ANKAR: variants seen among roughly 807,000 people sequenced by gnomAD.
ANKAR encodes ankyrin and armadillo repeat containing, also known as ankyrin and armadillo repeat-containing protein.
ANKAR carries 136 observed loss-of-function variants against 146.2 expected under a neutral mutation model. The observed-to-expected ratio is 0.93, with a 90% CI of 0.81 to 1.07. The LOEUF (loss-of-function observed/expected upper bound fraction) is 1.07. Among genes scored for constraint, ANKAR ranks in the 50% least tolerant of loss-of-function variants. The probability of loss-of-function intolerance (pLI) is 0.00; values close to 1 mark genes in which losing one functional copy is unlikely to be tolerated. For synonymous variants in ANKAR, 500 were observed against 575.8 expected (o/e 0.87, Z 1.88); for missense variants, 1,567 against 1,679.9 (o/e 0.93, Z 1.18).
rs182166733 is a variant in ANKAR at position 189,677,944 on chromosome 2, G to A, written c.601+853G>A. 9.2e-5 allele frequency among the ~76,000 whole-genome samples: 14 copies of A among 152,242 alleles called. No individual in the cohort carries two copies. In the East Asian group the frequency reaches 2.5e-3, roughly 27 times the overall value. On this transcript the variant is annotated intron_variant, in intron 2 of 22. Transcript: ENST00000684021. ...CATATAGTGACTTCTTTTCCTCTGG[G>A]TAGATACCTGGTAGTGGGATTGCTG...
Position 189,706,043 on chromosome 2 carries a change from G to A in ANKAR, c.1910+819G>A, listed in dbSNP as rs551735263. ...TGCTCTTAACATGTGGAAGCCACCA[G>A]AGGAAGCTGGTGTCCCTCAGATGGC... On this transcript the variant is annotated intron_variant, in intron 8 of 22. Transcript: ENST00000684021. 4.0e-5 allele frequency among the ~76,000 whole-genome samples: 6 copies of A among 151,502 alleles called. 1 individual carries two copies. In the South Asian group the frequency reaches 1.3e-3, roughly 32 times the overall value.
At position 189,728,810 on chromosome 2, in the gene ANKAR, C is replaced by T; in HGVS notation, c.3182C>T (p.Ser1061Phe). 1 of 1,612,858 alleles carries T rather than the reference C, an allele frequency of 6.2e-7. No homozygotes were observed. The highest frequency in any genetic ancestry group is 8.5e-7 in the Non-Finnish European group (1 of 1,179,330). Residue 1061 changes from serine to phenylalanine, a missense_variant, in exon 15 of 23, where the codon TCC becomes TTC. Physicochemically the swap from Ser to Phe is radical, Grantham distance 155 (BLOSUM62 -2). Coordinates refer to ENST00000684021, the MANE Select transcript of ANKAR (RefSeq NM_001378068.1). ...TLLSVIRAVG[S>F]ICIGVAHTSN... The stretch of plus-strand genomic sequence containing the variant: ...CTCAGTGTCATCAGAGCAGTGGGAT[C>T]CATTTGTATTGGTTTGTATACTTAT...
chr2:189,751,056 T>C (rs1020049219), downstream of ANKAR, among the ~76,000 whole-genome samples: 2 of 152,246 alleles, frequency 1.3e-5, no homozygotes, highest in Non-Finnish European at 1.5e-5. Flanking sequence ...TAGGTTTCTA[T>C]AGGTTCTTCT....
Position 189,720,702 on chromosome 2 carries a change from G to C in ANKAR, c.2550G>C (p.Leu850Phe). ...LVNVMNCIRV[L>F]CIGNENNQRA... ...ATGTAATGAACTGTATACGGGTATT[G>C]TGTATAGGAAATGAAAACAATCAAA... The change falls in exon 12 of 23, where the codon TTG (leucine) becomes TTC (phenylalanine). Residue 850 changes from leucine to phenylalanine, a missense_variant. Coordinates refer to ENST00000684021, the MANE Select transcript of ANKAR (RefSeq NM_001378068.1). The C allele has an allele frequency of 2.0e-6, 3 of 1,512,040 alleles. 1 individual carries two copies. Among genetic ancestry groups the C allele is most frequent in the Middle Eastern group, 3.5e-4 (2 of 5,674 alleles). 93.7% of individuals were successfully genotyped at this position (1,512,040 alleles called of 1,614,324 possible). A position where few individuals can be genotyped will look rare whatever the true frequency, so the allele number is the denominator to read the frequency against.
At chr2:189,677,115 A>C (rs1326291354) in intron 2 of ANKAR, 24 bp downstream of exon 2, 3 of 1,420,316 alleles carry the variant, frequency 2.1e-6, no homozygotes, top group East Asian at 5.0e-5. Flanking sequence ...ACACTTCTTA[A>C]ATTTTTTTTT....
At chr2:189,734,754 A>C (rs1226914185) in intron 17 of ANKAR, among the ~76,000 whole-genome samples, 2 of 152,136 alleles carry the variant, frequency 1.3e-5, no homozygotes, top group East Asian at 3.9e-4. Flanking sequence ...GCTTGAGATC[A>C]GGAGTTCGAG....
At position 189,720,776 on chromosome 2, in the gene ANKAR, G is replaced by T; in HGVS notation, c.2624G>T (p.Ser875Ile). The change falls in exon 12 of 23, where the codon AGT (serine) becomes ATT (isoleucine). Residue 875 changes from serine (S) to isoleucine (I), a missense_variant. By Grantham distance (142) the Ser-to-Ile change is moderately radical. Coordinates refer to ENST00000684021, the MANE Select transcript of ANKAR (RefSeq NM_001378068.1). The stretch of plus-strand genomic sequence containing the variant: ...CTCCCATATCTTATCAGATTTCTGA[G>T]TTCTGATTCAGGTGAGCTTCTATCT... The part of the protein sequence containing the change: ...KGLPYLIRFL[S>I]SDSDVLKAVS... The T allele has an allele frequency of 6.7e-7, 1 of 1,486,856 alleles. No homozygotes were observed. 92.1% of individuals were successfully genotyped at this position (1,486,856 alleles called of 1,614,324 possible). A position where few individuals can be genotyped will look rare whatever the true frequency, so the allele number is the denominator to read the frequency against.
chr2:189,691,484 CTGAGA>C (rs1432834134), intron 3 of ANKAR, among the ~76,000 whole-genome samples: 4 of 151,954 alleles, frequency 2.6e-5, no homozygotes, highest in Non-Finnish European at 4.4e-5. Context: ...CCTAAACTAG[CTGAGA>C]TAAGTTTTTG....
chr2:189,719,921 A>G, intron 11 of ANKAR, 108 bp downstream of exon 11: 1 of 1,220,680 alleles, frequency 8.2e-7, no homozygotes, highest in Non-Finnish European at 1.1e-6. Context: ...CTCTCAGGGA[A>G]GAATACAGCA....
chr2:189,762,514 G>T, downstream of ANKAR: 1 of 843,984 alleles, frequency 1.2e-6, no homozygotes, highest in Non-Finnish European at 1.4e-6. Context: ...GGACAAGGAG[G>T]ATTGTACGAA....
At chr2:189,699,455 C>T (rs941788478) in intron 7 of ANKAR, among the ~76,000 whole-genome samples, 3 of 152,166 alleles carry the variant, frequency 2.0e-5, no homozygotes, top group African/African-American at 7.2e-5. Context: ...AGTCTACTTT[C>T]AGATAACACT....
intron 12 of ANKAR, among the ~76,000 whole-genome samples, chr2:189,722,655 G>T (rs1229984021): frequency 6.6e-6 from 1 of 152,034 alleles, no homozygotes; most frequent in Non-Finnish European, 1.5e-5. Flanking sequence ...GGCCAAGGCG[G>T]GTGGATCACA....
At chr2:189,706,827 T>A in intron 8 of ANKAR, 111 bp from the exon 9 acceptor site, 1 of 707,588 alleles carries the variant, frequency 1.4e-6, no homozygotes, top group South Asian at 2.5e-5. Context: ...TTCCTAAGAA[T>A]AGAAGGTGGT....
intron 9 of ANKAR, among the ~76,000 whole-genome samples, chr2:189,710,662 TGTG>T (rs1439780281): frequency 6.6e-6 from 1 of 152,000 alleles, no homozygotes; most frequent in African/African-American, 2.4e-5. Flanking sequence ...ATTAGCCAGG[TGTG>T]GTGGTGCATA....
At chr2:189,762,836 T>G (rs1415429688), downstream of ANKAR, 1 of 985,320 alleles carries the variant, frequency 1.0e-6, no homozygotes, top group African/African-American at 1.7e-5. Context: ...TGGCTGCTGT[T>G]CCGCTAGCGA....
Position 189,719,572 on chromosome 2 carries a change from G to T in ANKAR, c.2225G>T (p.Gly742Val). 1.3e-6 allele frequency: 2 copies of T among 1,591,102 alleles called. No homozygotes were observed. Residue 742 changes from glycine to valine, a missense_variant and splice_region_variant, in exon 11 of 23, where the codon GGC (glycine) becomes GTC (valine). By Grantham distance (109) the Gly-to-Val change is moderately radical. Coordinates refer to ENST00000684021, the MANE Select transcript of ANKAR (RefSeq NM_001378068.1). ...AATTTTTTTGCTCTTGTCATTACAG[G>T]CACCATTCCTGCCTTAATCAATCTA... is the stretch of plus-strand genomic sequence containing the variant. ...DQYWRCILDA[G>V]TIPALINLLK...
downstream of ANKAR, chr2:189,761,300 A>G (rs1326530720): frequency 3.7e-6 from 4 of 1,070,014 alleles, no homozygotes; most frequent in African/African-American, 1.6e-5. Flanking sequence ...GCAGTTATTA[A>G]AAGTGTTTGC....
At chr2:189,746,323 T>A in intron 22 of ANKAR, 57 bp from the exon 23 acceptor site, 1 of 1,494,292 alleles carries the variant, frequency 6.7e-7, no homozygotes, top group Non-Finnish European at 9.0e-7. Context: ...GAAGTAGAAG[T>A]AATGAGACTA....
chr2:189,715,695 A>C (rs1212651312), intron 10 of ANKAR, among the ~76,000 whole-genome samples: 2 of 152,126 alleles, frequency 1.3e-5, no homozygotes, highest in Non-Finnish European at 2.9e-5. Context: ...CTCAGTAAAA[A>C]ACTGGCAAAC....
Sources: gnomAD v4.1 joint callset for allele counts (sites outside exome capture counted in the v4.1 genomes callset) on GRCh38, gnomAD v4.1.1 for gene constraint, MANE v1.5 for transcripts, NCBI Gene and HGNC (gene_info 2026-07-23, HGNC 2026-07-21) for gene names.